Variants in EPHA3 observed in about 807,000 individuals in gnomAD.
The protein encoded by EPHA3 is EPH receptor A3, also known as ephrin type-A receptor 3.
Under a neutral mutation model 107.1 loss-of-function variants are expected in EPHA3, and 42 were observed. The ratio of observed to expected loss-of-function variants is 0.39; its 90% CI spans 0.31 to 0.51. EPHA3 has a LOEUF of 0.51. Among genes scored for constraint, EPHA3 ranks in the 20% least tolerant of loss-of-function variants. The pLI is 0.78. For missense variants in EPHA3, 1,183 were observed against 1,211.2 expected, an observed-to-expected ratio of 0.98 and a Z score of 0.35; for synonymous variants, 461 against 424.8, an observed-to-expected ratio of 1.09 and a Z score of -1.05.
intron 2 of EPHA3, among the ~76,000 whole-genome samples, chr3:89,143,884 AT>A (rs1485315182): frequency 6.6e-6 from 1 of 151,432 alleles, no homozygotes; most frequent in Non-Finnish European, 1.5e-5. Flanking sequence ...ACCACATATC[AT>A]TTTGTCATCA....
intron 2 of EPHA3, among the ~76,000 whole-genome samples, chr3:89,204,031 C>T (rs951854550): frequency 2.0e-5 from 3 of 152,190 alleles, no homozygotes; most frequent in Admixed American, 2.0e-4. Flanking sequence ...GTTAAAACCA[C>T]AGAAAGTACT....
chr3:89,306,649 A>G (rs191366082), intron 3 of EPHA3, among the ~76,000 whole-genome samples: 33 of 152,090 alleles, frequency 2.2e-4, no homozygotes, highest in African/African-American at 7.2e-4. Flanking sequence ...ACATTACCAG[A>G]CTCTCTGGCT....
intron 5 of EPHA3, among the ~76,000 whole-genome samples, chr3:89,389,572 T>C (rs1708685014): frequency 6.6e-6 from 1 of 152,166 alleles, no homozygotes; most frequent in Non-Finnish European, 1.5e-5. Context: ...TAAAAACAAA[T>C]AAACCAAACC....
chr3:89,229,985 C>T (rs375628959), intron 3 of EPHA3, among the ~76,000 whole-genome samples: 3 of 151,892 alleles, frequency 2.0e-5, no homozygotes, highest in East Asian at 1.9e-4. Context: ...TGTTTACACT[C>T]GAGGAAACAT....
At chr3:89,407,833 G>T (rs1207267475) in intron 8 of EPHA3, among the ~76,000 whole-genome samples, 1 of 152,108 alleles carries the variant, frequency 6.6e-6, no homozygotes, top group African/African-American at 2.4e-5. Flanking sequence ...GAACTGGAGG[G>T]TCTGCACAGT....
intron 1 of EPHA3, 63 bp from the exon 2 acceptor site, chr3:89,127,146 A>T (rs1704112534): frequency 7.6e-7 from 1 of 1,316,232 alleles, no homozygotes; most frequent in African/African-American, 1.4e-5. Flanking sequence ...TGTGAACTCA[A>T]CAGAAGCAAA....
At chr3:89,460,823 CTTTT>C (rs753656853) in intron 15 of EPHA3, among the ~76,000 whole-genome samples, 1 of 103,034 alleles carries the variant, frequency 9.7e-6, no homozygotes, top group Non-Finnish European at 2.1e-5. Flanking sequence ...CTCTGTCTCT[CTTTT>C]TTTTTTTTTT....
chr3:89,347,394 T>G (rs1707693356), intron 5 of EPHA3, among the ~76,000 whole-genome samples: 1 of 149,570 alleles, frequency 6.7e-6, no homozygotes, highest in Non-Finnish European at 1.5e-5. Flanking sequence ...TGAATGGGAG[T>G]TCACTCATGA....
chr3:89,403,401 G>GT (rs199952651), intron 7 of EPHA3, among the ~76,000 whole-genome samples: 184 of 151,306 alleles, frequency 1.2e-3, no homozygotes, highest in African/African-American at 4.2e-3. Context: ...GATTTTGTGT[G>GT]TTTTTTTTCT....
chr3:89,293,565 A>C (rs1233250605), intron 3 of EPHA3, among the ~76,000 whole-genome samples: 1 of 152,170 alleles, frequency 6.6e-6, no homozygotes, highest in Non-Finnish European at 1.5e-5. Context: ...CAGGGGACGA[A>C]CTTGGTGGGA....
intron 3 of EPHA3, among the ~76,000 whole-genome samples, chr3:89,232,033 G>A (rs1197816355): frequency 6.6e-6 from 1 of 152,132 alleles, no homozygotes; most frequent in South Asian, 2.1e-4. Context: ...GGGCAGAAGG[G>A]AGGAGAGATT....
At chr3:89,313,931 A>G (rs1706832709) in intron 3 of EPHA3, among the ~76,000 whole-genome samples, 1 of 151,962 alleles carries the variant, frequency 6.6e-6, no homozygotes, top group Non-Finnish European at 1.5e-5. Context: ...TATTCTTTTA[A>G]GAATTTAAAA....
At chr3:89,132,524 G>T (rs764022215) in intron 2 of EPHA3, among the ~76,000 whole-genome samples, 29 of 152,208 alleles carry the variant, frequency 1.9e-4, no homozygotes, top group Admixed American at 5.9e-4. Context: ...TAGAATTGAG[G>T]CATCTGCATT....
At chr3:89,326,003 A>AAT (rs1282786659) in intron 3 of EPHA3, among the ~76,000 whole-genome samples, 5 of 151,312 alleles carry the variant, frequency 3.3e-5, no homozygotes, top group Non-Finnish European at 5.9e-5. Context: ...ACAAAATTAA[A>AAT]ATATAATTAA....
At chr3:89,452,896 A>C (rs1710022373) in intron 15 of EPHA3, among the ~76,000 whole-genome samples, 1 of 152,178 alleles carries the variant, frequency 6.6e-6, no homozygotes, top group African/African-American at 2.4e-5. Flanking sequence ...ATAGTTTAAT[A>C]AGTTAAGTAG....
At chr3:89,417,283 C>T (rs960979925) in intron 10 of EPHA3, among the ~76,000 whole-genome samples, 5 of 151,368 alleles carry the variant, frequency 3.3e-5, no homozygotes, top group Non-Finnish European at 7.4e-5. Flanking sequence ...GAATTGGACC[C>T]GAAGCAATTC....
rs184356544 is a variant in EPHA3, at chr3:89,314,934, A to C, written c.815-25982A>C. On this transcript the variant is annotated intron_variant, in intron 3 of 16. Transcript: ENST00000336596. Reference sequence around the variant, plus strand: ...TACACAAACCTAGATAGTATAGCTTACCACATACTTTGGCTTTATGGTGTA... The same window carrying C: ...TACACAAACCTAGATAGTATAGCTTCCCACATACTTTGGCTTTATGGTGTA... 2.6e-4 allele frequency among the ~76,000 whole-genome samples: 39 copies of C among 152,088 alleles called. No individual in the cohort carries two copies. In the East Asian group the frequency reaches 2.9e-3, roughly 11 times the overall value.
chr3:89,311,025 TG>T (rs771206992), intron 3 of EPHA3, among the ~76,000 whole-genome samples: 3 of 151,986 alleles, frequency 2.0e-5, no homozygotes, highest in Non-Finnish European at 4.4e-5. Flanking sequence ...TGTATAATAG[TG>T]TTCATAGTGG....
chr3:89,272,957 A>G (rs903202264), intron 3 of EPHA3, among the ~76,000 whole-genome samples: 2 of 151,908 alleles, frequency 1.3e-5, no homozygotes, highest in African/African-American at 4.8e-5. Context: ...TTCTGACTAC[A>G]TTATTTATTA....
Sources: gnomAD v4.1 joint callset for allele counts (sites outside exome capture counted in the v4.1 genomes callset) on GRCh38, gnomAD v4.1.1 for gene constraint, MANE v1.5 for transcripts, NCBI Gene and HGNC (gene_info 2026-07-23, HGNC 2026-07-21) for gene names.